FER: variants seen among roughly 807,000 people sequenced by gnomAD.
The protein encoded by FER is FER tyrosine kinase, also known as tyrosine-protein kinase Fer.
In FER, 63 loss-of-function variants were observed where a neutral mutation model predicts 111.0. The observed-to-expected ratio is 0.57, with a 90% CI of 0.46 to 0.70. The LOEUF is 0.70. FER is among the 30% of genes least tolerant of loss of function. FER has a pLI of 0.00. For synonymous variants in FER, 327 were observed against 313.9 expected (o/e 1.04, Z -0.44); for missense variants, 914 against 954.0 (o/e 0.96, Z 0.55).
At chr5:108,902,227 A>G (rs942040163) in intron 10 of FER, among the ~76,000 whole-genome samples, 1 of 152,210 alleles carries the variant, frequency 6.6e-6, no homozygotes, top group Non-Finnish European at 1.5e-5. Context: ...GCATTTAGAG[A>G]TGATATCTTT....
In FER at chr5:108,907,900, C is replaced by T. The variant is rs183972984; in HGVS notation, c.1236+10052C>T. On this transcript the variant is annotated intron_variant, in intron 10 of 19. Coordinates refer to ENST00000281092, the MANE Select transcript of FER (RefSeq NM_005246.4). ...TGATTGACACCCAAATGTACATTTT[C>T]GAGAAAATTGAGAGTACTGGAATAC... is the stretch of plus-strand genomic sequence containing the variant. Among the ~76,000 whole-genome samples, 184 of 151,286 alleles carry T rather than the reference C, an allele frequency of 1.2e-3. 2 individuals are homozygous for T. The highest frequency in any genetic ancestry group is 6.8e-3 in the Middle Eastern group (2 of 292).
chr5:108,750,803 AC>A (rs796616242), intron 1 of FER, among the ~76,000 whole-genome samples: 5 of 152,336 alleles, frequency 3.3e-5, no homozygotes, highest in African/African-American at 9.6e-5. Flanking sequence ...GTCGAGTTGA[AC>A]CCACCACCTA....
chr5:108,809,262 G>A lies in FER; in HGVS notation c.207+10873G>A, dbSNP rs538721691. Among the ~76,000 whole-genome samples the A allele has an allele frequency of 3.9e-5, 6 of 152,136 alleles. No individual in the cohort carries two copies. The South Asian group carries it at 1.0e-3, about 26-fold the overall frequency. On this transcript the variant is annotated intron_variant, in intron 3 of 19. Coordinates refer to ENST00000281092, the MANE Select transcript of FER (RefSeq NM_005246.4). ...AGGTTTCGTTGCTTTACCTAATCCCGTATTTCTCAGAGAGTTTGTTTATTT... is the reference window on the plus strand; with the variant it reads ...AGGTTTCGTTGCTTTACCTAATCCCATATTTCTCAGAGAGTTTGTTTATTT...
chr5:108,987,984 C>T (rs1762762871), intron 13 of FER, among the ~76,000 whole-genome samples: 1 of 152,032 alleles, frequency 6.6e-6, no homozygotes. Flanking sequence ...GCCAGTATTG[C>T]TGAGGGTGTT....
chr5:109,076,693 C>T (rs554581333), intron 16 of FER, among the ~76,000 whole-genome samples: 11 of 152,294 alleles, frequency 7.2e-5, no homozygotes, highest in African/African-American at 9.6e-5. Flanking sequence ...CTGCCTTGAC[C>T]TCCCAAAGTG....
chr5:109,113,934 A>G (rs1749930531), intron 17 of FER, among the ~76,000 whole-genome samples: 1 of 152,182 alleles, frequency 6.6e-6, no homozygotes, highest in South Asian at 2.1e-4. Flanking sequence ...GAAATAGGCA[A>G]CAGATGAAAC....
At chr5:109,025,297 G>C (rs1186525841) in intron 13 of FER, among the ~76,000 whole-genome samples, 1 of 151,962 alleles carries the variant, frequency 6.6e-6, no homozygotes, top group Non-Finnish European at 1.5e-5. Context: ...TTATTTCCTT[G>C]AGCAGTGGTT....
intron 17 of FER, among the ~76,000 whole-genome samples, chr5:109,116,746 G>A (rs1284709593): frequency 6.6e-6 from 1 of 152,114 alleles, no homozygotes; most frequent in Non-Finnish European, 1.5e-5. Context: ...TTGCCTTCAG[G>A]ATGTCACTCT....
chr5:108,939,215 T>G (rs1470924804), intron 10 of FER, among the ~76,000 whole-genome samples: 1 of 151,426 alleles, frequency 6.6e-6, no homozygotes, highest in African/African-American at 2.4e-5. Flanking sequence ...AAGAATTTAA[T>G]CTACATTAAT....
chr5:108,800,536 AGAAACGGG>A (rs1756527656), intron 3 of FER, among the ~76,000 whole-genome samples: 1 of 152,190 alleles, frequency 6.6e-6, no homozygotes, highest in Admixed American at 6.5e-5. Context: ...TTTATTTTAT[AGAAACGGG>A]GTCTCAGTAT....
chr5:108,792,772 A>G (rs143090135), intron 2 of FER, among the ~76,000 whole-genome samples: 20 of 151,578 alleles, frequency 1.3e-4, no homozygotes, highest in Middle Eastern at 3.4e-3. Flanking sequence ...TGGATTGTTC[A>G]ATGATGGTAT....
intron 13 of FER, among the ~76,000 whole-genome samples, chr5:108,977,466 T>G (rs1761508665): frequency 6.6e-6 from 1 of 152,194 alleles, no homozygotes; most frequent in South Asian, 2.1e-4. Flanking sequence ...ATGTATTTAA[T>G]TTAAAAAGTC....
rs1248116501 is a variant in FER at position 109,195,810 on chromosome 5, G to A, written c.*8235G>A. The A allele has an allele frequency of 6.6e-6, 1 of 152,160 alleles. No individual in the cohort carries two copies. The highest frequency in any genetic ancestry group is 1.9e-4 in the East Asian group (1 of 5,204). The allele number at this position is 152,160 out of a possible 1,614,324, so 9.4% of individuals were successfully genotyped here. ...GTTTCCCACTGAAACAGCTTCTTTA[G>A]TCAGACGTCTATAGATTTTACATAA... is the stretch of plus-strand genomic sequence containing the variant. On this transcript the variant is annotated 3_prime_UTR_variant, in exon 20 of 20. Transcript: ENST00000281092.
intron 19 of FER, 65 bp downstream of exon 19, chr5:109,186,387 G>C (rs918164457): frequency 2.5e-5 from 41 of 1,611,500 alleles, no homozygotes; most frequent in Non-Finnish European, 2.4e-5. Context: ...TGCTTATAGT[G>C]TGTCTGCTTG....
At chr5:109,169,995 T>A (rs963612941) in intron 17 of FER, among the ~76,000 whole-genome samples, 1 of 152,216 alleles carries the variant, frequency 6.6e-6, no homozygotes. Context: ...TATTCATTAG[T>A]AGCTGAACAT....
intron 2 of FER, among the ~76,000 whole-genome samples, chr5:108,791,695 A>G (rs917122110): frequency 1.3e-5 from 2 of 152,002 alleles, no homozygotes; most frequent in Non-Finnish European, 2.9e-5. Flanking sequence ...GATGAAATCC[A>G]ACTAATGTGT....
At chr5:108,834,939 T>C (rs1760456597) in intron 4 of FER, among the ~76,000 whole-genome samples, 1 of 152,172 alleles carries the variant, frequency 6.6e-6, no homozygotes, top group African/African-American at 2.4e-5. Flanking sequence ...GTTTTGATGC[T>C]TTCTCTTTCT....
intron 1 of FER, among the ~76,000 whole-genome samples, chr5:108,750,652 A>G (rs1750379666): frequency 6.6e-6 from 1 of 152,254 alleles, no homozygotes; most frequent in African/African-American, 2.4e-5. Context: ...TTCAGAAGAA[A>G]TAATTCAAGC....
At chr5:108,789,318 T>A (rs1755090551) in intron 2 of FER, among the ~76,000 whole-genome samples, 1 of 152,196 alleles carries the variant, frequency 6.6e-6, no homozygotes, top group African/African-American at 2.4e-5. Context: ...CATCTCCCAC[T>A]ACTTGTCACA....
Sources: allele counts gnomAD v4.1 joint callset (sites outside exome capture counted in the v4.1 genomes callset), GRCh38; gene constraint gnomAD v4.1.1; transcripts MANE v1.5; gene names NCBI Gene and HGNC (gene_info 2026-07-23, HGNC 2026-07-21).